The following SNAP47 variants were observed in gnomAD, a reference collection of about 807,000 sequenced individuals.
The protein encoded by SNAP47 is synaptosome associated protein 47.
Under a neutral mutation model 31.4 loss-of-function variants are expected in SNAP47, and 20 were observed. The ratio of observed to expected loss-of-function variants is 0.64; its 90% CI spans 0.45 to 0.93. SNAP47 has a LOEUF of 0.93. Ranked by LOEUF, SNAP47 falls within the 40% of genes least tolerant of loss-of-function variation. The pLI, the probability that SNAP47 is intolerant of heterozygous loss-of-function variation, is 0.00. For missense variants in SNAP47, 492 were observed against 528.5 expected (o/e 0.93, Z 0.68); for synonymous variants, 194 against 213.4 (o/e 0.91, Z 0.79).
At chr1:227,733,293 G>A, upstream of SNAP47, 1 of 1,101,844 alleles carries the variant, frequency 9.1e-7, no homozygotes, top group Non-Finnish European at 1.3e-6. Flanking sequence ...TTGTGAAGGG[G>A]TCAGCCTCAC....
At chr1:227,736,515 T>TG (rs2102879529) in intron 1 of SNAP47, 1 of 123,656 alleles carries the variant, frequency 8.1e-6, no homozygotes, top group African/African-American at 3.1e-5. Flanking sequence ...TTTTTTTTTT[T>TG]TTTTTTTTTT....
chr1:227,766,985 C>T lies in SNAP47; in HGVS notation c.1015C>T (p.His339Tyr). 2 of 1,613,956 alleles carry T rather than the reference C, an allele frequency of 1.2e-6. No individual in the cohort carries two copies. Among genetic ancestry groups the T allele is most frequent in the Non-Finnish European group, 1.7e-6 (2 of 1,180,040 alleles). Residue 339 changes from histidine (H) to tyrosine (Y), a missense_variant, in exon 4 of 5, where the codon CAC becomes TAC. Physicochemically the swap from His to Tyr is moderately conservative, Grantham distance 83 (BLOSUM62 2). Transcript: ENST00000617596. ...ATCTGGGCTGATGGGCCGTACCCTG[C>T]ACCGTGAGCCACCCGCAGGAGACCA... The part of the protein sequence containing the change: ...AASGLMGRTL[H>Y]REPPAGDQEG...
intron 4 of SNAP47, chr1:227,776,949 A>G: frequency 1.0e-6 from 1 of 985,386 alleles, no homozygotes; most frequent in Middle Eastern, 5.2e-4. Context: ...GTACACAATA[A>G]AATATTCCGC....
chr1:227,745,304 G>A (rs1260816816), intron 1 of SNAP47, among the ~76,000 whole-genome samples: 2 of 152,148 alleles, frequency 1.3e-5, no homozygotes, highest in African/African-American at 4.8e-5. Context: ...AGAGGCCCCT[G>A]CAGGGCCTTC....
chr1:227,742,687 G>A (rs187260716), intron 1 of SNAP47, among the ~76,000 whole-genome samples: 24 of 152,252 alleles, frequency 1.6e-4, no homozygotes, highest in Non-Finnish European at 2.1e-4. Flanking sequence ...CCCTCCCCTC[G>A]AAGGCCAGGT....
intron 1 of SNAP47, among the ~76,000 whole-genome samples, chr1:227,740,951 C>T (rs770015669): frequency 1.3e-4 from 19 of 140,794 alleles, no homozygotes; most frequent in Non-Finnish European, 2.3e-4. Flanking sequence ...AGATGCCCAG[C>T]GGGTGACAGG....
At chr1:227,750,531 C>A (rs545582833) in intron 2 of SNAP47, among the ~76,000 whole-genome samples, 11 of 152,254 alleles carry the variant, frequency 7.2e-5, no homozygotes, top group Non-Finnish European at 1.6e-4. Flanking sequence ...CATGCCCTGG[C>A]AAGCTGGGAC....
rs532757465 is a variant in SNAP47, at chr1:227,778,794, T to C, written c.1114-1733T>C. 3.3e-5 allele frequency among the ~76,000 whole-genome samples: 5 copies of C among 152,336 alleles called. No homozygotes were observed. The East Asian group carries it at 9.6e-4, about 29-fold the overall frequency. ...CATCTGCCCGTCCTCCTGGAGCCAC[T>C]GACCCCACCATATACTTTCCAGAGC... On this transcript the variant is annotated intron_variant, in intron 4 of 4. Transcript: ENST00000617596.
chr1:227,755,133 C>G (rs1466696040), intron 2 of SNAP47, among the ~76,000 whole-genome samples: 1 of 152,166 alleles, frequency 6.6e-6, no homozygotes, highest in Non-Finnish European at 1.5e-5. Flanking sequence ...ACCTATAAGA[C>G]CTAATCTTCA....
At chr1:227,776,605 A>G (rs1664175471) in intron 4 of SNAP47, 2 of 985,486 alleles carry the variant, frequency 2.0e-6, no homozygotes, top group Non-Finnish European at 2.4e-6. Context: ...GCCAGACTTC[A>G]CATTCTCCAT....
intron 4 of SNAP47, among the ~76,000 whole-genome samples, chr1:227,773,465 T>G (rs1229012671): frequency 6.6e-6 from 1 of 152,124 alleles, no homozygotes; most frequent in African/African-American, 2.4e-5. Flanking sequence ...GGCTCACCTG[T>G]TATTGAAGAA....
At chr1:227,773,565 C>T (rs757439781) in intron 4 of SNAP47, among the ~76,000 whole-genome samples, 1 of 152,264 alleles carries the variant, frequency 6.6e-6, no homozygotes, top group Non-Finnish European at 1.5e-5. Flanking sequence ...CCTTCACGCT[C>T]ACTCACCACA....
chr1:227,747,562 G>A (rs561716880), intron 1 of SNAP47, 130 bp from the exon 2 acceptor site: 4 of 880,246 alleles, frequency 4.5e-6, no homozygotes, highest in East Asian at 5.2e-5. Flanking sequence ...AGCCACAGGT[G>A]GATCGAGAGT....
intron 3 of SNAP47, chr1:227,759,771 A>G (rs1662944920): frequency 2.3e-6 from 1 of 433,138 alleles, no homozygotes; most frequent in Non-Finnish European, 4.1e-6. Flanking sequence ...ATCCTCACCA[A>G]AGCTCATGTG....
At chr1:227,761,876 G>A (rs1214634309) in intron 3 of SNAP47, among the ~76,000 whole-genome samples, 2 of 152,184 alleles carry the variant, frequency 1.3e-5, no homozygotes, top group Admixed American at 6.5e-5. Flanking sequence ...TGTTCCGCAG[G>A]CTGGTGTTTG....
chr1:227,761,687 G>A (rs1467481181), intron 3 of SNAP47, among the ~76,000 whole-genome samples: 1 of 152,152 alleles, frequency 6.6e-6, no homozygotes, highest in Non-Finnish European at 1.5e-5. Flanking sequence ...ACGTGCTGTG[G>A]ACTGGTGGTG....
chr1:227,772,348 C>G (rs956141875), intron 4 of SNAP47, among the ~76,000 whole-genome samples: 2 of 151,972 alleles, frequency 1.3e-5, no homozygotes, highest in Non-Finnish European at 2.9e-5. Flanking sequence ...CCCAGCCCCC[C>G]GCCCACCACT....
chr1:227,734,558 T>G, upstream of SNAP47: 1 of 1,221,938 alleles, frequency 8.2e-7, no homozygotes, highest in Non-Finnish European at 1.2e-6. Context: ...AATAGCTCCG[T>G]TGTGCACCCA....
At chr1:227,731,468 C>G (rs1425965649), upstream of SNAP47, 2 of 152,266 alleles carry the variant, frequency 1.3e-5, no homozygotes, top group African/African-American at 4.8e-5. Flanking sequence ...GCTGGACTCT[C>G]GGTCAAGGAC....
Sources: allele counts gnomAD v4.1 joint callset (sites outside exome capture counted in the v4.1 genomes callset), GRCh38; gene constraint gnomAD v4.1.1; transcripts MANE v1.5; gene names NCBI Gene and HGNC (gene_info 2026-07-23, HGNC 2026-07-21).